KCNQ5: variants seen among roughly 807,000 people sequenced by gnomAD.
KCNQ5 encodes potassium voltage-gated channel subfamily KQT member 5.
In KCNQ5, 30 loss-of-function variants were observed where a neutral mutation model predicts 98.2. The observed-to-expected ratio is 0.31, with a 90% CI of 0.23 to 0.41. The LOEUF (loss-of-function observed/expected upper bound fraction) is 0.41, where lower values mean the gene tolerates loss of function less well. KCNQ5 is among the 10% of genes least tolerant of loss of function. KCNQ5 has a pLI of 1.00. For synonymous variants in KCNQ5, 458 were observed against 449.4 expected (o/e 1.02, Z -0.24); for missense variants, 835 against 1,182.5 (o/e 0.71, Z 4.31).
intron 1 of KCNQ5, among the ~76,000 whole-genome samples, chr6:72,810,591 G>A (rs1263591350): frequency 6.6e-6 from 1 of 152,040 alleles, no homozygotes; most frequent in Non-Finnish European, 1.5e-5. Context: ...GATTGGAAAT[G>A]AAAAAGGAAA....
At chr6:73,091,757 T>A (rs1304269608) in intron 5 of KCNQ5, among the ~76,000 whole-genome samples, 1 of 37,838 alleles carries the variant, frequency 2.6e-5, no homozygotes, top group Non-Finnish European at 9.7e-5. Context: ...TTGGTTGGGT[T>A]TTTTGTTGGT....
intron 1 of KCNQ5, among the ~76,000 whole-genome samples, chr6:72,804,900 A>G (rs117007884): frequency 0.016 from 2,496 of 152,188 alleles, 39 homozygotes; most frequent in East Asian, 0.06. Flanking sequence ...TTTGATTTGC[A>G]TTTCTCTAAT....
At chr6:72,982,560 T>C (rs1768522639) in intron 1 of KCNQ5, among the ~76,000 whole-genome samples, 1 of 149,652 alleles carries the variant, frequency 6.7e-6, no homozygotes, top group Admixed American at 6.7e-5. Context: ...CTTGAGCCTA[T>C]GTGTGTCTCT....
intron 1 of KCNQ5, among the ~76,000 whole-genome samples, chr6:72,647,477 A>G (rs1765654509): frequency 6.6e-6 from 1 of 152,160 alleles, no homozygotes; most frequent in South Asian, 2.1e-4. Context: ...AAAAGAAAAA[A>G]AAAAAGAGAT....
At chr6:72,635,955 A>T (rs1460398208) in intron 1 of KCNQ5, among the ~76,000 whole-genome samples, 1 of 151,972 alleles carries the variant, frequency 6.6e-6, no homozygotes, top group Non-Finnish European at 1.5e-5. Context: ...GGTTTTAGTT[A>T]TGCTCAAATT....
intron 1 of KCNQ5, among the ~76,000 whole-genome samples, chr6:72,812,149 T>C (rs1775273081): frequency 6.6e-6 from 1 of 152,192 alleles, no homozygotes; most frequent in Admixed American, 6.5e-5. Context: ...TTGCCGTCTT[T>C]GTTTTGGTGG....
chr6:73,142,166 T>C (rs1039861493), intron 10 of KCNQ5, among the ~76,000 whole-genome samples: 11 of 152,244 alleles, frequency 7.2e-5, no homozygotes, highest in African/African-American at 2.6e-4. Context: ...TTTTATGACA[T>C]AAGCTCAGAA....
chr6:73,168,330 G>A (rs1354560219), intron 10 of KCNQ5, among the ~76,000 whole-genome samples: 1 of 152,168 alleles, frequency 6.6e-6, no homozygotes, highest in Non-Finnish European at 1.5e-5. Context: ...AATGAACACT[G>A]CACAGAGCAA....
At chr6:72,973,432 G>A (rs964634452) in intron 1 of KCNQ5, among the ~76,000 whole-genome samples, 36 of 152,070 alleles carry the variant, frequency 2.4e-4, no homozygotes, top group African/African-American at 5.5e-4. Context: ...GGAGGGAAAG[G>A]ATTTTGTAGA....
chr6:72,869,679 T>C (rs1778128911), intron 1 of KCNQ5, among the ~76,000 whole-genome samples: 1 of 152,196 alleles, frequency 6.6e-6, no homozygotes, highest in African/African-American at 2.4e-5. Flanking sequence ...ACTTTTGCTT[T>C]GTTAAAGAAG....
At chr6:72,827,156 G>C (rs374877475) in intron 1 of KCNQ5, among the ~76,000 whole-genome samples, 1 of 152,084 alleles carries the variant, frequency 6.6e-6, no homozygotes, top group African/African-American at 2.4e-5. Flanking sequence ...GCTGTATCTT[G>C]GCTATTGTGA....
chr6:73,025,309 C>A (rs1449095121), intron 2 of KCNQ5, among the ~76,000 whole-genome samples: 1 of 152,126 alleles, frequency 6.6e-6, no homozygotes, highest in Non-Finnish European at 1.5e-5. Flanking sequence ...GATAAGCAAG[C>A]ATTCTACAAA....
chr6:72,843,173 AG>A (rs1193710405), intron 1 of KCNQ5, among the ~76,000 whole-genome samples: 6 of 152,146 alleles, frequency 3.9e-5, no homozygotes, highest in African/African-American at 1.4e-4. Context: ...GGTTTAAGGA[AG>A]GGGTTCAGTT....
At chr6:72,804,906 C>CTAA (rs1774872176) in intron 1 of KCNQ5, among the ~76,000 whole-genome samples, 1 of 152,144 alleles carries the variant, frequency 6.6e-6, no homozygotes, top group Non-Finnish European at 1.5e-5. Context: ...TTGCATTTCT[C>CTAA]TAATAACCAG....
intron 1 of KCNQ5, among the ~76,000 whole-genome samples, chr6:72,840,576 C>T (rs1776743447): frequency 6.6e-6 from 1 of 152,134 alleles, no homozygotes; most frequent in African/African-American, 2.4e-5. Flanking sequence ...GTATTGACTC[C>T]CCTTCAAAAT....
At chr6:72,719,834 A>G (rs1222816910) in intron 1 of KCNQ5, among the ~76,000 whole-genome samples, 1 of 152,174 alleles carries the variant, frequency 6.6e-6, no homozygotes, top group Non-Finnish European at 1.5e-5. Context: ...CTCCTGAGGC[A>G]CTTACTCAGG....
intron 11 of KCNQ5, among the ~76,000 whole-genome samples, chr6:73,177,827 A>G (rs977009309): frequency 6.6e-6 from 1 of 152,236 alleles, no homozygotes; most frequent in Non-Finnish European, 1.5e-5. Context: ...CTTTAAAATC[A>G]GCTAATATAC....
intron 1 of KCNQ5, among the ~76,000 whole-genome samples, chr6:72,974,220 T>C (rs1768041218): frequency 6.6e-6 from 1 of 152,224 alleles, no homozygotes; most frequent in Admixed American, 6.5e-5. Flanking sequence ...AGTTTGTAGC[T>C]GCTTTTGCAC....
At position 73,010,400 on chromosome 6, in the gene KCNQ5, C is replaced by A. The variant is rs138458040; in HGVS notation, c.489+6402C>A. On this transcript the variant is annotated intron_variant, in intron 2 of 13. Transcript: ENST00000370398. ...AAAGCCACATATGAAAAACCTACAG[C>A]CAACATCATACACAAAGGTGAAAGA... Among the ~76,000 whole-genome samples, 4 of 152,010 alleles carry A rather than the reference C, an allele frequency of 2.6e-5. No individual in the cohort carries two copies. In the East Asian group the frequency reaches 7.7e-4, roughly 29 times the overall value.
Sources: gnomAD v4.1 joint callset for allele counts (sites outside exome capture counted in the v4.1 genomes callset) on GRCh38, gnomAD v4.1.1 for gene constraint, MANE v1.5 for transcripts, NCBI Gene and HGNC (gene_info 2026-07-23, HGNC 2026-07-21) for gene names.